The following NRK variants were observed in gnomAD, a reference collection of about 807,000 sequenced individuals.
NRK encodes nik-related protein kinase.
Under a neutral mutation model 125.2 loss-of-function variants are expected in NRK, and 67 were observed. The ratio of observed to expected loss-of-function variants is 0.54; its 90% CI spans 0.44 to 0.66. The LOEUF (loss-of-function observed/expected upper bound fraction) is 0.66. Among genes scored for constraint, NRK ranks in the 30% least tolerant of loss-of-function variants. The probability of loss-of-function intolerance (pLI) is 0.00; values close to 1 mark genes in which losing one functional copy is unlikely to be tolerated. For missense variants in NRK, 1,224 were observed against 1,192.9 expected, an observed-to-expected ratio of 1.03 and a Z score of -0.38; for synonymous variants, 458 against 429.0, an observed-to-expected ratio of 1.07 and a Z score of -0.84.
rs763767467 is a variant in NRK at position 105,909,417 on chromosome X, A to T, written c.1776A>T (p.Leu592=). 2.5e-6 allele frequency: 3 copies of T among 1,206,272 alleles called. No homozygotes were observed. In the African/African-American group the frequency reaches 5.3e-5, roughly 21 times the overall value. The change falls in exon 13 of 29, where the codon CTA becomes CTT. Residue 592 remains leucine, a synonymous_variant. Coordinates refer to ENST00000243300, the MANE Select transcript of NRK (RefSeq NM_198465.4). The part of the protein sequence containing the change: ...RVNAQVFLPL[L]SQDHHVLLPL... ...ATGCCCAGGTATTTCTGCCCCTGCT[A>T]TCACAAGATCACCATGTGCTGTTGC...
In NRK at chrX:105,829,451, T is replaced by C. The variant is rs138633936; in HGVS notation, c.58-1603T>C. 3.6e-5 allele frequency among the ~76,000 whole-genome samples: 4 copies of C among 112,444 alleles called. No homozygotes were observed. In the East Asian group the frequency reaches 1.1e-3, roughly 32 times the overall value. On this transcript the variant is annotated intron_variant, in intron 1 of 28. Coordinates refer to ENST00000243300, the MANE Select transcript of NRK (RefSeq NM_198465.4). ...ATAAACTTTCAATAAGGTATGTGAA[T>C]TTCCAAGAATTTGCCAATGTTCTTA...
chrX:105,941,660 G>A (rs1306143463), intron 23 of NRK, among the ~76,000 whole-genome samples: 1 of 109,327 alleles, frequency 9.1e-6, no homozygotes, highest in East Asian at 2.9e-4. Context: ...TAAATCTATC[G>A]GGTAAGACAA....
At chrX:105,877,459 G>A (rs752275431) in intron 2 of NRK, among the ~76,000 whole-genome samples, 1 of 111,372 alleles carries the variant, frequency 9.0e-6, no homozygotes, top group Admixed American at 9.5e-5. Flanking sequence ...TTGTAGCATG[G>A]CCATCTAAGA....
intron 2 of NRK, among the ~76,000 whole-genome samples, chrX:105,865,626 A>T (rs1283317591): frequency 1.8e-5 from 2 of 111,404 alleles, no homozygotes; most frequent in Admixed American, 1.9e-4. Context: ...CTGAGCTGCT[A>T]TTTATGTAAA....
intron 27 of NRK, among the ~76,000 whole-genome samples, chrX:105,952,424 G>A (rs2040911706): frequency 8.9e-6 from 1 of 112,051 alleles, no homozygotes; most frequent in Non-Finnish European, 1.9e-5. Flanking sequence ...TTGTCACAAA[G>A]TATTATAAAA....
intron 28 of NRK, among the ~76,000 whole-genome samples, chrX:105,953,812 T>C (rs755661321): frequency 1.8e-5 from 2 of 111,663 alleles, no homozygotes; most frequent in East Asian, 5.7e-4. Context: ...CTACCTATTA[T>C]AGGAAATAAT....
chrX:105,948,410 A>G, intron 26 of NRK: 1 of 250,009 alleles, frequency 4.0e-6, no homozygotes, highest in Non-Finnish European at 7.0e-6. Flanking sequence ...AGAATATAAT[A>G]AAAATACTAT....
chrX:105,874,765 A>C (rs1316477891), intron 2 of NRK, among the ~76,000 whole-genome samples: 1 of 111,648 alleles, frequency 9.0e-6, no homozygotes, highest in Non-Finnish European at 1.9e-5. Context: ...GAAGAACAAC[A>C]GCACCGTAAT....
intron 2 of NRK, among the ~76,000 whole-genome samples, chrX:105,871,061 G>A (rs1312329002): frequency 8.9e-6 from 1 of 111,951 alleles, no homozygotes; most frequent in East Asian, 2.8e-4. Flanking sequence ...TATAACTACA[G>A]AGGGTATCAA....
rs1244498550 is a variant in NRK at position 105,909,159 on chromosome X, G to C, written c.1518G>C (p.Gln506His). 2.5e-6 allele frequency: 3 copies of C among 1,209,513 alleles called. No homozygotes were observed. The East Asian group carries it at 8.9e-5, about 36-fold the overall frequency. The change falls in exon 13 of 29, where the codon CAG becomes CAC. Residue 506 changes from glutamine to histidine, a missense_variant. By Grantham distance (24) the Gln-to-His change is conservative. Transcript: ENST00000243300. ...QVSKKQQAQT[Q>H]TSEPQDLDQV... is the part of the protein sequence containing the mutation. Reference sequence around the variant, plus strand: ...CCAAAAAGCAGCAGGCCCAGACCCAGACATCAGAACCACAAGATTTGGACC... The same window carrying C: ...CCAAAAAGCAGCAGGCCCAGACCCACACATCAGAACCACAAGATTTGGACC...
At chrX:105,889,390 C>T (rs758335850) in intron 5 of NRK, among the ~76,000 whole-genome samples, 1 of 112,057 alleles carries the variant, frequency 8.9e-6, no homozygotes, top group African/African-American at 3.2e-5. Context: ...CATTGAGTGT[C>T]TGTGGCTTTT....
At chrX:105,895,362 C>T (rs1433725282) in intron 6 of NRK, 71 bp from the exon 7 acceptor site, 1 of 748,504 alleles carries the variant, frequency 1.3e-6, no homozygotes, top group Non-Finnish European at 2.0e-6. Context: ...AAGAACTGTA[C>T]CAGAAAGAAA....
At chrX:105,835,876 T>C (rs1392260071) in intron 2 of NRK, among the ~76,000 whole-genome samples, 2 of 111,816 alleles carry the variant, frequency 1.8e-5, no homozygotes, top group African/African-American at 6.5e-5. Flanking sequence ...ACTCTCATGC[T>C]AACCCACATT....
intron 23 of NRK, among the ~76,000 whole-genome samples, chrX:105,943,589 A>G (rs2040774184): frequency 8.9e-6 from 1 of 112,266 alleles, no homozygotes; most frequent in Non-Finnish European, 1.9e-5. Flanking sequence ...TAGGGATTGC[A>G]TTGAATCTAT....
intron 2 of NRK, among the ~76,000 whole-genome samples, chrX:105,857,131 T>A (rs888789079): frequency 1.1e-4 from 12 of 111,860 alleles, no homozygotes; most frequent in African/African-American, 3.9e-4. Flanking sequence ...GAAATTTCAA[T>A]TGATTCATTT....
chrX:105,857,703 A>G (rs1190906993), intron 2 of NRK, among the ~76,000 whole-genome samples: 3 of 111,732 alleles, frequency 2.7e-5, no homozygotes, highest in Non-Finnish European at 5.6e-5. Flanking sequence ...AGCATGACTA[A>G]GAAAATAACC....
At chrX:105,859,702 C>G (rs1266320912) in intron 2 of NRK, among the ~76,000 whole-genome samples, 1 of 111,757 alleles carries the variant, frequency 8.9e-6, no homozygotes, top group African/African-American at 3.3e-5. Context: ...TCACAGCTAT[C>G]CCCAGTGAGA....
chrX:105,952,261 G>T (rs2040909527), intron 27 of NRK, among the ~76,000 whole-genome samples: 1 of 111,360 alleles, frequency 9.0e-6, no homozygotes, highest in Non-Finnish European at 1.9e-5. Context: ...TTTACTTATG[G>T]AATTTTTCCC....
At chrX:105,844,015 GTGTC>G (rs1175749904) in intron 2 of NRK, among the ~76,000 whole-genome samples, 1 of 77,935 alleles carries the variant, frequency 1.3e-5, no homozygotes. Context: ...GTGTGTGTGT[GTGTC>G]TGTGTGTGTG....
Sources: gnomAD v4.1 joint callset for allele counts (sites outside exome capture counted in the v4.1 genomes callset) on GRCh38, gnomAD v4.1.1 for gene constraint, MANE v1.5 for transcripts, NCBI Gene and HGNC (gene_info 2026-07-23, HGNC 2026-07-21) for gene names.